The following COMMD10 variants were observed in gnomAD, a reference collection of about 807,000 sequenced individuals.
The protein encoded by COMMD10 is COMM domain-containing protein 10.
Under a neutral mutation model 28.9 loss-of-function variants are expected in COMMD10, and 33 were observed. The ratio of observed to expected loss-of-function variants is 1.14; its 90% CI spans 0.87 to 1.53. The LOEUF is 1.53. Among genes scored for constraint, COMMD10 ranks in the 40% most tolerant of loss-of-function variants. The pLI, the probability that COMMD10 is intolerant of heterozygous loss-of-function variation, is 0.00. For synonymous variants in COMMD10, 110 were observed against 81.7 expected (o/e 1.35, Z -1.87); for missense variants, 310 against 233.4 (o/e 1.33, Z -2.14).
intron 5 of COMMD10, among the ~76,000 whole-genome samples, chr5:116,180,706 AT>A (rs1435172243): frequency 1.4e-5 from 2 of 143,720 alleles, no homozygotes; most frequent in East Asian, 2.6e-4. Flanking sequence ...CTAAAAAAAT[AT>A]ATTCTTAAAA....
At chr5:116,125,522 T>C (rs999695314) in intron 4 of COMMD10, among the ~76,000 whole-genome samples, 4 of 152,154 alleles carry the variant, frequency 2.6e-5, no homozygotes, top group African/African-American at 4.8e-5. Context: ...CTGACAATTA[T>C]GTGACTTGGA....
intron 1 of COMMD10, among the ~76,000 whole-genome samples, chr5:116,086,596 T>G (rs1750106947): frequency 6.6e-6 from 1 of 152,124 alleles, no homozygotes; most frequent in African/African-American, 2.4e-5. Flanking sequence ...GTAGCTGGGA[T>G]TACAGGCACC....
chr5:116,134,160 G>T lies in COMMD10; in HGVS notation c.492G>T (p.Val164=). ...CTCAAGCTGTGTTACAACTCGGAGT[G>T]AACAATGAAGATTCAAAGGTAAGAA... is the stretch of plus-strand genomic sequence containing the variant. The part of the protein sequence containing the change: ...KSPQAVLQLG[V]NNEDSKSLEK... Residue 164 remains valine (V), a synonymous_variant, in exon 5 of 7, where the codon GTG becomes GTT. Transcript: ENST00000274458. 1.3e-6 allele frequency: 2 copies of T among 1,596,922 alleles called. No homozygotes were observed. The highest frequency in any genetic ancestry group is 1.1e-5 in the South Asian group (1 of 90,734).
chr5:116,273,621 C>G (rs1254057327), intron 5 of COMMD10, among the ~76,000 whole-genome samples: 1 of 151,672 alleles, frequency 6.6e-6, no homozygotes, highest in African/African-American at 2.4e-5. Flanking sequence ...TTAACAGATA[C>G]AAAACATTAA....
In COMMD10 at chr5:116,273,858, G is replaced by A. The variant is rs575099988; in HGVS notation, c.511-17659G>A. The stretch of plus-strand genomic sequence containing the variant: ...GAACTAAAGTCATCATTCAAAAAAG[G>A]CATTTATTATTAATAAACTACAGAA... On this transcript the variant is annotated intron_variant, in intron 5 of 6. Transcript: ENST00000274458. Among the ~76,000 whole-genome samples, 10 of 151,686 alleles carry A rather than the reference G, an allele frequency of 6.6e-5. No individual in the cohort carries two copies. In the South Asian group the frequency reaches 1.9e-3, roughly 28 times the overall value.
chr5:116,251,399 G>A (rs1044949785), intron 5 of COMMD10, among the ~76,000 whole-genome samples: 52 of 144,350 alleles, frequency 3.6e-4, no homozygotes, highest in African/African-American at 1.2e-3. Flanking sequence ...CCACTAACTC[G>A]TCATCTAGCA....
At chr5:116,290,202 C>G (rs963957859) in intron 5 of COMMD10, among the ~76,000 whole-genome samples, 16 of 151,700 alleles carry the variant, frequency 1.1e-4, no homozygotes, top group African/African-American at 3.9e-4. Flanking sequence ...TCCTTAACTG[C>G]TAGGAGGGCA....
intron 5 of COMMD10, among the ~76,000 whole-genome samples, chr5:116,253,982 A>G (rs1255869267): frequency 6.6e-6 from 1 of 152,020 alleles, no homozygotes; most frequent in Non-Finnish European, 1.5e-5. Context: ...AGATCCTGTT[A>G]TTGGTCTTTT....
chr5:116,196,141 G>GT (rs1748514202), intron 5 of COMMD10, among the ~76,000 whole-genome samples: 1 of 152,170 alleles, frequency 6.6e-6, no homozygotes, highest in Admixed American at 6.6e-5. Context: ...AAACACGCAT[G>GT]TTTATAACAG....
intron 2 of COMMD10, among the ~76,000 whole-genome samples, chr5:116,090,658 G>T (rs2112709276): frequency 6.6e-6 from 1 of 152,312 alleles, no homozygotes; most frequent in South Asian, 2.1e-4. Context: ...CTGTCATGGG[G>T]CATGTAGGCA....
At chr5:116,265,915 A>G (rs1051484926) in intron 5 of COMMD10, among the ~76,000 whole-genome samples, 2 of 151,802 alleles carry the variant, frequency 1.3e-5, no homozygotes, top group Non-Finnish European at 2.9e-5. Context: ...TCATCCTACT[A>G]GAAAAGTGGT....
At chr5:116,250,149 G>C (rs1228978135) in intron 5 of COMMD10, among the ~76,000 whole-genome samples, 1 of 151,074 alleles carries the variant, frequency 6.6e-6, no homozygotes, top group Non-Finnish European at 1.5e-5. Context: ...TCATTATCTT[G>C]GAGCTAATTC....
At chr5:116,085,895 G>A (rs1326411828) in intron 1 of COMMD10, among the ~76,000 whole-genome samples, 1 of 152,194 alleles carries the variant, frequency 6.6e-6, no homozygotes, top group Admixed American at 6.5e-5. Flanking sequence ...CCTTCTTTCT[G>A]GATTCCTTTT....
intron 5 of COMMD10, among the ~76,000 whole-genome samples, chr5:116,172,371 C>T (rs991138715): frequency 1.3e-5 from 2 of 152,066 alleles, no homozygotes; most frequent in African/African-American, 4.8e-5. Flanking sequence ...AAGAAAAATA[C>T]TATGATGATA....
At chr5:116,100,678 G>GAA (rs59761979) in intron 4 of COMMD10, among the ~76,000 whole-genome samples, 4 of 149,744 alleles carry the variant, frequency 2.7e-5, no homozygotes, top group South Asian at 2.1e-4. Flanking sequence ...AGGGCCAATT[G>GAA]AAAAAAAAAC....
chr5:116,173,318 T>C (rs1318545222), intron 5 of COMMD10, among the ~76,000 whole-genome samples: 1 of 152,130 alleles, frequency 6.6e-6, no homozygotes, highest in Non-Finnish European at 1.5e-5. Context: ...TTTAGTTATA[T>C]TCAATTTTCC....
In COMMD10 at chr5:116,085,076, C is replaced by T; in HGVS notation, c.24C>T (p.Ile8=). ...AGATGGCGGTCCCCGCGGCGCTGAT[C>T]CTACGGGAGAGCCCCAGGTAGCTGA... is the stretch of plus-strand genomic sequence containing the variant. MAVPAAL[I]LRESPSMKKA... The change falls in exon 1 of 7, where the codon ATC becomes ATT. Residue 8 remains isoleucine, a synonymous_variant. Coordinates refer to ENST00000274458, the MANE Select transcript of COMMD10 (RefSeq NM_016144.4). 1.9e-6 allele frequency: 3 copies of T among 1,610,338 alleles called. No individual in the cohort carries two copies. Among genetic ancestry groups the T allele is most frequent in the Middle Eastern group, 1.7e-4 (1 of 5,872 alleles).
chr5:116,148,990 A>C (rs1752427860), intron 5 of COMMD10, among the ~76,000 whole-genome samples: 1 of 133,696 alleles, frequency 7.5e-6, no homozygotes, highest in Non-Finnish European at 1.6e-5. Context: ...TCCTAAAGCT[A>C]TCCCTCCCCC....
intron 4 of COMMD10, among the ~76,000 whole-genome samples, chr5:116,112,882 G>C (rs1020121197): frequency 2.6e-5 from 4 of 151,530 alleles, no homozygotes; most frequent in Non-Finnish European, 5.9e-5. Context: ...GGTTTCATTT[G>C]ATTCTTCTTC....
Sources: gnomAD v4.1 joint callset for allele counts (sites outside exome capture counted in the v4.1 genomes callset) on GRCh38, gnomAD v4.1.1 for gene constraint, MANE v1.5 for transcripts, NCBI Gene and HGNC (gene_info 2026-07-23, HGNC 2026-07-21) for gene names.